The following SND1 variants were observed in gnomAD, a reference collection of about 807,000 sequenced individuals.
SND1 encodes the protein staphylococcal nuclease domain-containing protein 1.
In SND1, 38 loss-of-function variants were observed where a neutral mutation model predicts 121.7. The ratio of observed to expected loss-of-function variants is 0.31; its 90% CI spans 0.24 to 0.41. SND1 has a LOEUF of 0.41. SND1 is among the 10% of genes least tolerant of loss of function. The probability of loss-of-function intolerance (pLI) is 1.00; values close to 1 mark genes in which losing one functional copy is unlikely to be tolerated. For synonymous variants in SND1, 401 were observed against 447.4 expected (o/e 0.90, Z 1.31); for missense variants, 868 against 1,184.6 (o/e 0.73, Z 3.92).
At position 127,962,382 on chromosome 7, in the gene SND1, A is replaced by G. The variant is rs1194749060; in HGVS notation, c.1670-28565A>G. On this transcript the variant is annotated intron_variant, in intron 15 of 23. Transcript: ENST00000354725. ...CGTATATATTTCTCTGGACGTGTGCAGAGTTGTTGCATTTCTACTCCCTTA... is the reference window on the plus strand; with the variant it reads ...CGTATATATTTCTCTGGACGTGTGCGGAGTTGTTGCATTTCTACTCCCTTA... 2.0e-5 allele frequency among the ~76,000 whole-genome samples: 3 copies of G among 152,214 alleles called. No individual in the cohort carries two copies. In the East Asian group the frequency reaches 5.8e-4, roughly 29 times the overall value.
At chr7:128,034,243 G>C (rs879541447) in intron 16 of SND1, among the ~76,000 whole-genome samples, 2 of 152,332 alleles carry the variant, frequency 1.3e-5, no homozygotes, top group South Asian at 2.1e-4. Context: ...GGATGTGTCA[G>C]AGAAGTAAGA....
At chr7:127,895,875 A>G (rs1800108983) in intron 13 of SND1, among the ~76,000 whole-genome samples, 1 of 151,934 alleles carries the variant, frequency 6.6e-6, no homozygotes, top group Admixed American at 6.6e-5. Context: ...CCTCCATCCC[A>G]TCCTTCTCTT....
chr7:127,951,639 G>A (rs993798944), intron 15 of SND1, among the ~76,000 whole-genome samples: 2 of 152,148 alleles, frequency 1.3e-5, no homozygotes, highest in African/African-American at 4.8e-5. Context: ...CTTCTTGTGA[G>A]TAAAGCTAAT....
At position 128,085,296 on chromosome 7, in the gene SND1, A is replaced by G. The variant is rs977717526; in HGVS notation, c.2235-415A>G. Among the ~76,000 whole-genome samples, 1 of 152,156 alleles carries G rather than the reference A, an allele frequency of 6.6e-6. No homozygotes were observed. Among genetic ancestry groups the G allele is most frequent in the Non-Finnish European group, 1.5e-5 (1 of 68,004 alleles). ...GCCGGAAGAAGGTCGCTGATGTGTA[A>G]TCTACCAAGGGAGGGCCCATGGCCT... On this transcript the variant is annotated intron_variant, in intron 19 of 23. Coordinates refer to ENST00000354725, the MANE Select transcript of SND1 (RefSeq NM_014390.4). The surrounding 1 kb of genome is among the most constrained non-coding windows in gnomAD (Gnocchi z 4.4).
chr7:127,732,586 GGCATCT>G (rs1796698997), intron 10 of SND1, among the ~76,000 whole-genome samples: 1 of 152,156 alleles, frequency 6.6e-6, no homozygotes, highest in African/African-American at 2.4e-5. Flanking sequence ...CAGAAAGAGT[GGCATCT>G]TTAACCTGAG....
Position 127,929,237 on chromosome 7 carries a change from G to A in SND1, c.1577G>A (p.Arg526His), listed in dbSNP as rs1013201053. ...QFLPFLQRAG[R>H]SEAVVEYVFS... ...CTGCCTTTTCTTCAGCGGGCAGGTCGTTCTGAAGCTGTGGTGGAATACGTC... is the reference window on the plus strand; with the variant it reads ...CTGCCTTTTCTTCAGCGGGCAGGTCATTCTGAAGCTGTGGTGGAATACGTC... The change falls in exon 15 of 24, where the codon CGT becomes CAT. Residue 526 changes from arginine (R) to histidine (H), a missense_variant. Arg to His is a conservative substitution (Grantham distance 29, BLOSUM62 0). Transcript: ENST00000354725. 23 of 1,613,870 alleles carry A rather than the reference G, an allele frequency of 1.4e-5. No homozygotes were observed. The highest frequency in any genetic ancestry group is 2.7e-5 in the African/African-American group (2 of 74,922).
At chr7:127,909,276 C>T (rs536270849) in intron 14 of SND1, among the ~76,000 whole-genome samples, 1 of 152,216 alleles carries the variant, frequency 6.6e-6, no homozygotes, top group East Asian at 1.9e-4. Context: ...GTTAATTTCA[C>T]TATTACAGTA....
At chr7:127,935,751 C>A (rs185663775) in intron 15 of SND1, among the ~76,000 whole-genome samples, 1 of 152,334 alleles carries the variant, frequency 6.6e-6, no homozygotes, top group Admixed American at 6.5e-5. Context: ...CTGCCGTATG[C>A]ACCCTCCATT....
At chr7:127,779,417 G>A (rs924926815) in intron 10 of SND1, among the ~76,000 whole-genome samples, 1 of 152,142 alleles carries the variant, frequency 6.6e-6, no homozygotes, top group African/African-American at 2.4e-5. Flanking sequence ...CATTAATCCT[G>A]AACTACACCT....
intron 16 of SND1, among the ~76,000 whole-genome samples, chr7:128,014,565 C>T (rs555079012): frequency 2.0e-5 from 3 of 152,288 alleles, no homozygotes; most frequent in East Asian, 1.9e-4. Context: ...GCACTTGTGT[C>T]GTCCTCCTTA....
intron 15 of SND1, among the ~76,000 whole-genome samples, chr7:127,968,327 T>G (rs1163427210): frequency 6.6e-6 from 1 of 152,262 alleles, no homozygotes; most frequent in Admixed American, 6.5e-5. Flanking sequence ...TTGAAATTTG[T>G]CTCAGTAACA....
In SND1 at chr7:127,956,438, T is replaced by C. The variant is rs1183528218; in HGVS notation, c.1669+27109T>C. ...TGGAAAATCAGATTAAATACTCCTT[T>C]AATATTTAATTAACTCTCTTTAGCT... On this transcript the variant is annotated intron_variant, in intron 15 of 23. Transcript: ENST00000354725. Among the ~76,000 whole-genome samples the C allele has an allele frequency of 2.0e-5, 3 of 152,314 alleles. No homozygotes were observed. The East Asian group carries it at 5.8e-4, about 29-fold the overall frequency.
chr7:127,834,740 T>C (rs1033954043), intron 11 of SND1, among the ~76,000 whole-genome samples: 1 of 152,378 alleles, frequency 6.6e-6, no homozygotes, highest in Non-Finnish European at 1.5e-5. Context: ...CATTGGCGTG[T>C]ATTCCTAAAG....
intron 10 of SND1, among the ~76,000 whole-genome samples, chr7:127,744,408 G>A (rs1271240949): frequency 1.3e-5 from 2 of 151,946 alleles, no homozygotes; most frequent in Non-Finnish European, 2.9e-5. Flanking sequence ...ACATTTACTC[G>A]CTAGGTACGT....
intron 1 of SND1, among the ~76,000 whole-genome samples, chr7:127,676,311 A>G (rs956025620): frequency 1.3e-5 from 2 of 152,206 alleles, no homozygotes; most frequent in Non-Finnish European, 2.9e-5. Context: ...TTTAACATTT[A>G]TTGAGTTACC....
In SND1 at chr7:128,092,194, C is replaced by T. The variant is rs1159871151; in HGVS notation, c.*136C>T. ...TTTGCTTCAGTGTGTGGAAATGTCT[C>T]GTGGGGTGGCATCGGGGCTGCGGGG... is the stretch of plus-strand genomic sequence containing the variant. On this transcript the variant is annotated 3_prime_UTR_variant, in exon 24 of 24. Transcript: ENST00000354725. This position sits in a 1 kb window ranked among gnomAD's most constrained non-coding sequence, Gnocchi z 4.9. The T allele has an allele frequency of 2.1e-6, 2 of 943,570 alleles. No individual in the cohort carries two copies. The highest frequency in any genetic ancestry group is 1.6e-5 in the African/African-American group (1 of 61,024). 58.4% of individuals were successfully genotyped at this position (943,570 alleles called of 1,614,324 possible). A position where few individuals can be genotyped will look rare whatever the true frequency, so the allele number is the denominator to read the frequency against.
chr7:128,065,475 A>G (rs1409106197), intron 16 of SND1, among the ~76,000 whole-genome samples: 1 of 152,230 alleles, frequency 6.6e-6, no homozygotes, highest in Admixed American at 6.5e-5. Context: ...AGGTACAGGT[A>G]CCTGCAGAGG....
Position 128,060,955 on chromosome 7 carries a change from C to T in SND1, c.1780-13547C>T, listed in dbSNP as rs571133737. Among the ~76,000 whole-genome samples, 36 of 152,292 alleles carry T rather than the reference C, an allele frequency of 2.4e-4. 1 individual carries two copies. The highest frequency in any genetic ancestry group is 7.2e-4 in the African/African-American group (30 of 41,564). ...ACCTCCCTTGGAGGAGTGCTTTCTA[C>T]CTGGAAAGCAGTGCATGTATCAGTG... On this transcript the variant is annotated intron_variant, in intron 16 of 23. Coordinates refer to ENST00000354725, the MANE Select transcript of SND1 (RefSeq NM_014390.4).
At chr7:127,863,287 A>G (rs1381709899) in intron 12 of SND1, among the ~76,000 whole-genome samples, 1 of 152,204 alleles carries the variant, frequency 6.6e-6, no homozygotes, top group Non-Finnish European at 1.5e-5. Context: ...TGCTGCTCTT[A>G]AAAGCAGAGA....
Sources: allele counts gnomAD v4.1 joint callset (sites outside exome capture counted in the v4.1 genomes callset), GRCh38; gene constraint gnomAD v4.1.1; non-coding constraint Gnocchi (gnomAD v3.1); transcripts MANE v1.5; gene names NCBI Gene and HGNC (gene_info 2026-07-23, HGNC 2026-07-21).